The following METAP1 variants were observed in gnomAD, a reference collection of about 807,000 sequenced individuals.
The protein encoded by METAP1 is methionine aminopeptidase 1.
METAP1 carries 28 observed loss-of-function variants against 53.8 expected under a neutral mutation model. The ratio of observed to expected loss-of-function variants is 0.52; its 90% CI spans 0.39 to 0.71. The LOEUF is 0.71. Ranked by LOEUF, METAP1 falls within the 30% of genes least tolerant of loss-of-function variation. METAP1 has a pLI of 0.00. For missense variants in METAP1, 389 were observed against 479.8 expected, an observed-to-expected ratio of 0.81 and a Z score of 1.77; for synonymous variants, 181 against 165.7, an observed-to-expected ratio of 1.09 and a Z score of -0.71.
chr4:99,027,656 C>A (rs191802417), intron 1 of METAP1, among the ~76,000 whole-genome samples: 1 of 151,894 alleles, frequency 6.6e-6, no homozygotes, highest in African/African-American at 2.4e-5. Context: ...GCTTACCAGA[C>A]TAACCCAACC....
Position 99,034,251 on chromosome 4 carries a change from A to C in METAP1, c.188A>C (p.Glu63Ala), listed in dbSNP as rs1356847405. 3.1e-5 allele frequency: 48 copies of C among 1,549,960 alleles called. No homozygotes were observed. Among genetic ancestry groups the C allele is most frequent in the Non-Finnish European group, 4.1e-5 (47 of 1,145,444 alleles). The change falls in exon 3 of 11, where the codon GAA (glutamate) becomes GCA (alanine). Residue 63 changes from glutamate to alanine, a missense_variant. Glu to Ala is a moderately radical substitution (Grantham distance 107). Transcript: ENST00000296411. The part of the protein sequence containing the change: ...KKAKDEKAKR[E>A]VSSWTVEGDI... ...CCAGAAGATGAAAAGGCGAAGCGAGAAGTGTCTTCCTGGACTGTGGAAGGT... is the reference window on the plus strand; with the variant it reads ...CCAGAAGATGAAAAGGCGAAGCGAGCAGTGTCTTCCTGGACTGTGGAAGGT...
intron 1 of METAP1, among the ~76,000 whole-genome samples, chr4:99,025,082 T>G (rs1380684032): frequency 6.6e-6 from 1 of 152,230 alleles, no homozygotes; most frequent in East Asian, 1.9e-4. Context: ...CACCCGGTAA[T>G]GCGGTAATAA....
rs925990295 is a variant in METAP1 at position 99,062,013 on chromosome 4, A to G, written c.*696A>G. On this transcript the variant is annotated 3_prime_UTR_variant, in exon 11 of 11. Transcript: ENST00000296411. ...CACTTTGGAAGGTTATCAGGCTTTTAAAAATCTAGTTTATGGCAAAAATAG... is the reference window on the plus strand; with the variant it reads ...CACTTTGGAAGGTTATCAGGCTTTTGAAAATCTAGTTTATGGCAAAAATAG... The G allele has an allele frequency of 5.9e-5, 9 of 152,242 alleles. No individual in the cohort carries two copies. Among genetic ancestry groups the G allele is most frequent in the African/African-American group, 2.2e-4 (9 of 41,464 alleles). 9.4% of individuals were successfully genotyped at this position (152,242 alleles called of 1,614,324 possible).
chr4:99,021,299 C>G (rs1288026366), intron 1 of METAP1, among the ~76,000 whole-genome samples: 1 of 152,196 alleles, frequency 6.6e-6, no homozygotes, highest in Non-Finnish European at 1.5e-5. Flanking sequence ...AGCAGTTTTT[C>G]CTACCTTGGC....
intron 1 of METAP1, among the ~76,000 whole-genome samples, chr4:99,003,715 T>G (rs915565129): frequency 3.9e-5 from 6 of 152,306 alleles, no homozygotes; most frequent in Admixed American, 3.3e-4. Context: ...AACTCAAACT[T>G]TTTTCCCTCT....
At chr4:99,004,461 ACACACACAC>A (rs1238622656) in intron 1 of METAP1, among the ~76,000 whole-genome samples, 713 of 29,802 alleles carry the variant, frequency 0.024, 7 homozygotes, top group African/African-American at 0.062. Flanking sequence ...ACACACACAC[ACACACACAC>A]ACACACACAC....
At chr4:99,010,183 G>A (rs1336793393) in intron 1 of METAP1, among the ~76,000 whole-genome samples, 2 of 152,190 alleles carry the variant, frequency 1.3e-5, no homozygotes, top group Admixed American at 1.3e-4. Flanking sequence ...GCCAGGTGTG[G>A]TGCCTCACAC....
At chr4:99,016,567 A>G (rs1165053111) in intron 1 of METAP1, among the ~76,000 whole-genome samples, 2 of 152,326 alleles carry the variant, frequency 1.3e-5, no homozygotes, top group African/African-American at 2.4e-5. Context: ...GGCCGTCACT[A>G]TATTACTGGC....
chr4:99,020,016 T>A (rs1354206356), intron 1 of METAP1, among the ~76,000 whole-genome samples: 1 of 152,134 alleles, frequency 6.6e-6, no homozygotes, highest in Non-Finnish European at 1.5e-5. Flanking sequence ...ATTCTTCTGG[T>A]GAGCAGCATT....
intron 1 of METAP1, chr4:99,023,605 G>C (rs753365674): frequency 6.5e-5 from 64 of 985,228 alleles, no homozygotes; most frequent in Non-Finnish European, 7.6e-5. Flanking sequence ...ATTATGGGTG[G>C]TCACATTATG....
chr4:98,995,729 G>A lies in METAP1; in HGVS notation c.-25G>A. ...CCCGCCGCCGCCTCTTCCTCGGTGA[G>A]GCGCTCTTCCAGCGGGCAGGCAGCA... On this transcript the variant is annotated 5_prime_UTR_variant, in exon 1 of 11. Coordinates refer to ENST00000296411, the MANE Select transcript of METAP1 (RefSeq NM_015143.3). 1 of 1,539,406 alleles carries A rather than the reference G, an allele frequency of 6.5e-7. No homozygotes were observed. The highest frequency in any genetic ancestry group is 2.5e-5 in the East Asian group (1 of 40,078).
chr4:99,059,646 G>A (rs528334946), intron 10 of METAP1, among the ~76,000 whole-genome samples: 1 of 152,118 alleles, frequency 6.6e-6, no homozygotes, highest in East Asian at 1.9e-4. Flanking sequence ...TTTTACAGTA[G>A]TATCTAGAAT....
chr4:99,022,647 C>T, intron 1 of METAP1: 1 of 1,050,902 alleles, frequency 9.5e-7, no homozygotes, highest in South Asian at 1.5e-5. Flanking sequence ...ACCTGGCGCT[C>T]AAAGGCAAGG....
At chr4:99,012,454 T>C (rs1456120200) in intron 1 of METAP1, among the ~76,000 whole-genome samples, 2 of 151,908 alleles carry the variant, frequency 1.3e-5, no homozygotes, top group African/African-American at 2.4e-5. Context: ...TTTGTATTTT[T>C]AGTAGAGACA....
rs1462558897 is a variant in METAP1 at position 99,053,495 on chromosome 4, C to T, written c.932-4258C>T. Among the ~76,000 whole-genome samples, 4 of 152,280 alleles carry T rather than the reference C, an allele frequency of 2.6e-5. No homozygotes were observed. In the East Asian group the frequency reaches 7.7e-4, roughly 29 times the overall value. On this transcript the variant is annotated intron_variant, in intron 9 of 10. Transcript: ENST00000296411. ...CTTGAACTTCTGGAGTCATACATTC[C>T]ACCCGCCTCTGCCTCCCAGAGTGCT...
intron 10 of METAP1, 102 bp downstream of exon 10, chr4:99,057,920 C>G: frequency 3.1e-6 from 3 of 952,816 alleles, no homozygotes; most frequent in South Asian, 3.2e-5. Flanking sequence ...TTTTTGCTTC[C>G]TACTCACTCC....
At chr4:98,995,958 G>C (rs1484402713) in intron 1 of METAP1, 91 bp downstream of exon 1, 1 of 1,031,442 alleles carries the variant, frequency 9.7e-7, no homozygotes, top group Non-Finnish European at 1.4e-6. Context: ...GCGGCGAGTC[G>C]GGACGCGCTC....
chr4:98,997,442 A>G (rs1317198005), intron 1 of METAP1: 1 of 154,570 alleles, frequency 6.5e-6, no homozygotes, highest in African/African-American at 2.4e-5. Flanking sequence ...TGTTAGACCT[A>G]GTACACGTCC....
chr4:99,035,526 G>A (rs907807075), intron 4 of METAP1, 66 bp downstream of exon 4: 6 of 1,217,258 alleles, frequency 4.9e-6, no homozygotes, highest in Non-Finnish European at 7.0e-6. Flanking sequence ...GCAAAGGGAA[G>A]GAATGCTTTT....
Sources: gnomAD v4.1 joint callset for allele counts (sites outside exome capture counted in the v4.1 genomes callset) on GRCh38, gnomAD v4.1.1 for gene constraint, MANE v1.5 for transcripts, NCBI Gene and HGNC (gene_info 2026-07-23, HGNC 2026-07-21) for gene names.